The following PCDHGA12 variants were observed in gnomAD, a reference collection of about 807,000 sequenced individuals.
The protein encoded by PCDHGA12 is protocadherin gamma subfamily A, 12.
PCDHGA12 carries 43 observed loss-of-function variants against 61.1 expected under a neutral mutation model. The ratio of observed to expected loss-of-function variants is 0.70; its 90% CI spans 0.55 to 0.91. The LOEUF is 0.91. Ranked by LOEUF, PCDHGA12 falls within the 40% of genes least tolerant of loss-of-function variation. The pLI, the probability that PCDHGA12 is intolerant of heterozygous loss-of-function variation, is 0.00. For missense variants in PCDHGA12, 1,236 were observed against 1,227.7 expected (o/e 1.01, Z -0.10); for synonymous variants, 520 against 542.9 (o/e 0.96, Z 0.59).
At chr5:141,446,985 C>T (rs1411339328) in intron 1 of PCDHGA12, among the ~76,000 whole-genome samples, 1 of 152,064 alleles carries the variant, frequency 6.6e-6, no homozygotes, top group Non-Finnish European at 1.5e-5. Context: ...AATTCATACT[C>T]CACTCTTCAG....
intron 1 of PCDHGA12, among the ~76,000 whole-genome samples, chr5:141,483,553 C>G (rs955671854): frequency 2.0e-5 from 3 of 152,230 alleles, no homozygotes; most frequent in Admixed American, 2.0e-4. Context: ...CAGTGCCATT[C>G]ACAGAGACAG....
chr5:141,464,519 A>G (rs974292961), intron 1 of PCDHGA12, among the ~76,000 whole-genome samples: 21 of 152,058 alleles, frequency 1.4e-4, no homozygotes, highest in African/African-American at 4.1e-4. Context: ...AGGTAAAGGC[A>G]TATGTAGTTT....
In PCDHGA12 at chr5:141,491,634, C is replaced by T; in HGVS notation, c.2425-3173C>T. On this transcript the variant is annotated intron_variant, in intron 1 of 3. Coordinates refer to ENST00000252085, the MANE Select transcript of PCDHGA12 (RefSeq NM_003735.3). This position sits in a 1 kb window ranked among gnomAD's most constrained non-coding sequence, Gnocchi z 6.9. ...TAAGACCCCTCAGCGTTCAGCAGCC[C>T]ACAGCTCTGGCGCTGGAGCCTGACG... 1 of 1,613,892 alleles carries T rather than the reference C, an allele frequency of 6.2e-7. No individual in the cohort carries two copies. Among genetic ancestry groups the T allele is most frequent in the South Asian group, 1.1e-5 (1 of 91,084 alleles).
At chr5:141,492,132 C>A (rs1289132641) in intron 1 of PCDHGA12, among the ~76,000 whole-genome samples, 3 of 152,220 alleles carry the variant, frequency 2.0e-5, no homozygotes, top group African/African-American at 4.8e-5. Context: ...CAGCTCCCAG[C>A]ATCTGTGACT....
chr5:141,483,833 G>A (rs964111814), intron 1 of PCDHGA12, among the ~76,000 whole-genome samples: 1 of 152,116 alleles, frequency 6.6e-6, no homozygotes, highest in Admixed American at 6.5e-5. Flanking sequence ...CCTAGGTAAG[G>A]ACTTGGTTGA....
intron 1 of PCDHGA12, among the ~76,000 whole-genome samples, chr5:141,492,108 C>T (rs1331001233): frequency 2.6e-5 from 4 of 152,232 alleles, no homozygotes; most frequent in African/African-American, 9.6e-5. Flanking sequence ...TAGATTTCCT[C>T]TTCGATTTCT....
At chr5:141,504,135 C>G (rs758903340) in intron 2 of PCDHGA12, among the ~76,000 whole-genome samples, 215 of 152,306 alleles carry the variant, frequency 1.4e-3, no homozygotes, top group Middle Eastern at 3.4e-3. Context: ...CCCGCCAACA[C>G]TCCCCTGCAA....
intron 1 of PCDHGA12, among the ~76,000 whole-genome samples, chr5:141,448,083 T>C (rs1020024755): frequency 2.6e-5 from 4 of 151,368 alleles, no homozygotes; most frequent in African/African-American, 9.7e-5. Context: ...CGAAATGCCA[T>C]CTTAAAAAAA....
chr5:141,489,094 G>GAAT lies in PCDHGA12; in HGVS notation c.2425-5711_2425-5710insTAA, dbSNP rs2154581134. 5.1e-6 allele frequency: 2 copies of GAAT among 396,028 alleles called. No homozygotes were observed. Among genetic ancestry groups the GAAT allele is most frequent in the Non-Finnish European group, 9.0e-6 (2 of 221,296 alleles). 24.5% of individuals were successfully genotyped at this position (396,028 alleles called of 1,614,324 possible). Reference sequence around the variant, plus strand: ...CCCACCCCCGCCACTCGGTGACTAAGAACTGCTGCAAGCAGGCAAACCTCC... The same window carrying GAAT: ...CCCACCCCCGCCACTCGGTGACTAAGAATAACTGCTGCAAGCAGGCAAACCTCC... On this transcript the variant is annotated intron_variant, in intron 1 of 3. Coordinates refer to ENST00000252085, the MANE Select transcript of PCDHGA12 (RefSeq NM_003735.3). The surrounding 1 kb of genome is among the most constrained non-coding windows in gnomAD (Gnocchi z 4.5).
chr5:141,509,810 G>T (rs1272295976), intron 3 of PCDHGA12, among the ~76,000 whole-genome samples: 1 of 152,154 alleles, frequency 6.6e-6, no homozygotes, highest in East Asian at 1.9e-4. Flanking sequence ...ATAGAGCCGA[G>T]CTCTTCTCCA....
Position 141,476,556 on chromosome 5 carries a change from C to A in PCDHGA12, c.2425-18251C>A. 1 of 1,614,234 alleles carries A rather than the reference C, an allele frequency of 6.2e-7. No homozygotes were observed. Among genetic ancestry groups the A allele is most frequent in the Non-Finnish European group, 8.5e-7 (1 of 1,180,036 alleles). ...GAAATGAAATTGGAGATTAGCGAGG[C>A]CGTGGCTCCGGGGACGCGCTTTCCG... On this transcript the variant is annotated intron_variant, in intron 1 of 3. Coordinates refer to ENST00000252085, the MANE Select transcript of PCDHGA12 (RefSeq NM_003735.3). The surrounding 1 kb of genome is among the most constrained non-coding windows in gnomAD (Gnocchi z 7.6).
chr5:141,445,302 A>C (rs2098462947), intron 1 of PCDHGA12, among the ~76,000 whole-genome samples: 1 of 152,220 alleles, frequency 6.6e-6, no homozygotes, highest in African/African-American at 2.4e-5. Flanking sequence ...CATTCTCTTC[A>C]GTTTGTAGGT....
In PCDHGA12 at chr5:141,433,007, C is replaced by CT; in HGVS notation, c.2249dup (p.Gln751AlafsTer36). On this transcript the variant is annotated frameshift_variant, in exon 1 of 4. Coordinates refer to ENST00000252085, the MANE Select transcript of PCDHGA12 (RefSeq NM_003735.3). LOFTEE classifies it high-confidence loss of function. The stretch of plus-strand genomic sequence containing the variant: ...GGGCGTGGACGGGGTGCAGGCTTTC[C>CT]TGCAGACCTATTCCCACGAGGTTTC... The CT allele has an allele frequency of 6.2e-7, 1 of 1,614,198 alleles. No individual in the cohort carries two copies. Among genetic ancestry groups the CT allele is most frequent in the Non-Finnish European group, 8.5e-7 (1 of 1,180,028 alleles).
At position 141,489,947 on chromosome 5, in the gene PCDHGA12, A is replaced by G. The variant is rs368977481; in HGVS notation, c.2425-4860A>G. The G allele has an allele frequency of 5.4e-5, 87 of 1,614,090 alleles. No individual in the cohort carries two copies. Among genetic ancestry groups the G allele is most frequent in the South Asian group, 6.6e-5 (6 of 91,094 alleles). ...ATCTCTGTCATCGTGCTGGACATCA[A>G]TGATAATGCTCCAACCTTCCAATCC... On this transcript the variant is annotated intron_variant, in intron 1 of 3. Transcript: ENST00000252085. This position sits in a 1 kb window ranked among gnomAD's most constrained non-coding sequence, Gnocchi z 4.5.
At chr5:141,479,937 C>G (rs1322238189) in intron 1 of PCDHGA12, among the ~76,000 whole-genome samples, 1 of 152,212 alleles carries the variant, frequency 6.6e-6, no homozygotes, top group African/African-American at 2.4e-5. Context: ...TCATTGCTAT[C>G]AACTCTTGGA....
rs558609501 is a variant in PCDHGA12, at chr5:141,487,648, G to C, written c.2425-7159G>C. On this transcript the variant is annotated intron_variant, in intron 1 of 3. Coordinates refer to ENST00000252085, the MANE Select transcript of PCDHGA12 (RefSeq NM_003735.3). This position sits in a 1 kb window ranked among gnomAD's most constrained non-coding sequence, Gnocchi z 5.0. ...CTTTGCAGGCTCAACAAATGCTTGA[G>C]GGTTATTCTGATCCAGGCATATGGC... is the stretch of plus-strand genomic sequence containing the variant. 34 of 1,613,904 alleles carry C rather than the reference G, an allele frequency of 2.1e-5. 1 individual carries two copies. The South Asian group carries it at 3.6e-4, about 17-fold the overall frequency.
rs1444171664 is a variant in PCDHGA12, at chr5:141,477,015, T to G, written c.2425-17792T>G. The G allele has an allele frequency of 1.2e-6, 2 of 1,614,210 alleles. No homozygotes were observed. Among genetic ancestry groups the G allele is most frequent in the Non-Finnish European group, 1.7e-6 (2 of 1,180,038 alleles). On this transcript the variant is annotated intron_variant, in intron 1 of 3. Coordinates refer to ENST00000252085, the MANE Select transcript of PCDHGA12 (RefSeq NM_003735.3). This position sits in a 1 kb window ranked among gnomAD's most constrained non-coding sequence, Gnocchi z 4.9. ...CGGCAACTATTCGCCTTAGACCTTG[T>G]AACCGGGATGCTGACAATCAAGGGT...
rs780436102 is a variant in PCDHGA12, at chr5:141,431,846, G to A, written c.1087G>A (p.Gly363Arg). 1 of 1,614,274 alleles carries A rather than the reference G, an allele frequency of 6.2e-7. No individual in the cohort carries two copies. Among genetic ancestry groups the A allele is most frequent in the South Asian group, 1.1e-5 (1 of 91,088 alleles). The change falls in exon 1 of 4, where the codon GGG becomes AGG. Residue 363 changes from glycine to arginine, a missense_variant. By Grantham distance (125) the Gly-to-Arg change is moderately radical. Coordinates refer to ENST00000252085, the MANE Select transcript of PCDHGA12 (RefSeq NM_003735.3). The surrounding 1 kb of genome is among the most constrained non-coding windows in gnomAD (Gnocchi z 4.8). ...ASSVPENSPR[G>R]TLIALLNVND... ...CTCGGTTCCCGAAAACTCTCCCAGA[G>A]GGACATTAATTGCCCTTTTAAATGT...
intron 1 of PCDHGA12, chr5:141,478,782 T>C: frequency 6.7e-7 from 1 of 1,485,212 alleles, no homozygotes. Context: ...GTGGACCTAA[T>C]TCACATCCTC....
Sources: allele counts gnomAD v4.1 joint callset (sites outside exome capture counted in the v4.1 genomes callset), GRCh38; gene constraint gnomAD v4.1.1; non-coding constraint Gnocchi (gnomAD v3.1); transcripts MANE v1.5; gene names NCBI Gene and HGNC (gene_info 2026-07-23, HGNC 2026-07-21).